The following RANBP2 variants were observed in gnomAD, a reference collection of about 807,000 sequenced individuals.
RANBP2 encodes E3 SUMO-protein ligase RanBP2.
RANBP2 carries 57 observed loss-of-function variants against 303.6 expected under a neutral mutation model. The ratio of observed to expected loss-of-function variants is 0.19; its 90% CI spans 0.15 to 0.23. The LOEUF (loss-of-function observed/expected upper bound fraction) is 0.23, where lower values mean the gene tolerates loss of function less well. Ranked by LOEUF, RANBP2 falls within the 10% of genes least tolerant of loss-of-function variation. The pLI is 1.00. For synonymous variants in RANBP2, 1,167 were observed against 1,301.5 expected, an observed-to-expected ratio of 0.90 and a Z score of 2.23; for missense variants, 3,138 against 3,780.8, an observed-to-expected ratio of 0.83 and a Z score of 4.46.
the RANBP2 span, among the ~76,000 whole-genome samples, chr2:108,943,193 C>G: frequency 6.6e-6 from 1 of 152,156 alleles, no homozygotes; most frequent in Non-Finnish European, 1.5e-5. Flanking sequence ...TCGTCATTCT[C>G]TTTTCAAGTA....
At chr2:109,097,912 G>A in the RANBP2 span, among the ~76,000 whole-genome samples, 1 of 152,030 alleles carries the variant, frequency 6.6e-6, no homozygotes, top group African/African-American at 2.4e-5. Flanking sequence ...GTCTCACCAC[G>A]GATGGAGGAC....
chr2:109,032,202 T>TC, the RANBP2 span, among the ~76,000 whole-genome samples: 1 of 152,206 alleles, frequency 6.6e-6, no homozygotes, highest in Non-Finnish European at 1.5e-5. Flanking sequence ...GAGATTTCTT[T>TC]CACTTCTAAA....
intron 7 of RANBP2, among the ~76,000 whole-genome samples, chr2:108,745,892 C>T (rs1696470671): frequency 6.8e-6 from 1 of 147,020 alleles, no homozygotes. Flanking sequence ...CAGAGTTGCT[C>T]TGTGTATGCT....
At chr2:109,553,153 T>G in the RANBP2 span, 1 of 1,614,138 alleles carries the variant, frequency 6.2e-7, no homozygotes, top group Non-Finnish European at 8.5e-7. Context: ...TCTGTTTCAT[T>G]TCTTCTTCCT....
chr2:109,629,331 ATATATATATATATATATATATATATT>A, the RANBP2 span, among the ~76,000 whole-genome samples: 588 of 16,346 alleles, frequency 0.036, 35 homozygotes, highest in Non-Finnish European at 0.048. Flanking sequence ...ATATATATAT[ATATATATATATATATATATATATATT>A]TTTTTTTTTT....
chr2:109,459,833 G>A, the RANBP2 span, among the ~76,000 whole-genome samples: 1 of 152,170 alleles, frequency 6.6e-6, no homozygotes, highest in Non-Finnish European at 1.5e-5. Context: ...TTTTGCTAGT[G>A]GGTTACTAGG....
chr2:109,574,514 T>C, the RANBP2 span: 1 of 1,024,414 alleles, frequency 9.8e-7, no homozygotes, highest in South Asian at 3.4e-5. Context: ...ATCCATATTG[T>C]AAAAATATTT....
At chr2:108,865,544 A>G in the RANBP2 span, among the ~76,000 whole-genome samples, 1 of 152,182 alleles carries the variant, frequency 6.6e-6, no homozygotes, top group Admixed American at 6.5e-5. Flanking sequence ...CTCATTCTGG[A>G]GAAGACCCTC....
chr2:109,301,651 C>G, the RANBP2 span, among the ~76,000 whole-genome samples: 1 of 152,184 alleles, frequency 6.6e-6, no homozygotes, highest in Non-Finnish European at 1.5e-5. Flanking sequence ...GCCGAGACCA[C>G]TAGGCTCCTT....
chr2:108,963,270 TCACG>T, the RANBP2 span, among the ~76,000 whole-genome samples: 1 of 152,170 alleles, frequency 6.6e-6, no homozygotes, highest in Non-Finnish European at 1.5e-5. Flanking sequence ...GCAAAAATGA[TCACG>T]CACTACACAC....
the RANBP2 span, among the ~76,000 whole-genome samples, chr2:109,315,477 G>C: frequency 6.6e-6 from 1 of 152,254 alleles, no homozygotes; most frequent in Non-Finnish European, 1.5e-5. Context: ...CTTTTACTAA[G>C]AGGCAGTAAG....
At chr2:109,273,226 CT>C in the RANBP2 span, among the ~76,000 whole-genome samples, 1 of 152,236 alleles carries the variant, frequency 6.6e-6, no homozygotes, top group African/African-American at 2.4e-5. Context: ...GCACAGTCGT[CT>C]GTTCAGTGCT....
downstream of RANBP2, chr2:108,786,974 C>G (rs576816775): frequency 1.8e-5 from 22 of 1,208,498 alleles, no homozygotes; most frequent in Non-Finnish European, 2.3e-5. Flanking sequence ...CGGCCCGCTC[C>G]GTGCCCCGCG....
At chr2:109,238,601 T>C in the RANBP2 span, among the ~76,000 whole-genome samples, 1 of 152,042 alleles carries the variant, frequency 6.6e-6, no homozygotes, top group Non-Finnish European at 1.5e-5. Flanking sequence ...TCAGGAATTC[T>C]TTTTCGCATT....
chr2:108,783,231 C>T lies in RANBP2; in HGVS notation c.9370-365C>T, dbSNP rs145313687. Among the ~76,000 whole-genome samples the T allele has an allele frequency of 8.0e-4, 116 of 145,404 alleles. 1 individual carries two copies. Among genetic ancestry groups the T allele is most frequent in the African/African-American group, 2.8e-3 (110 of 39,058 alleles). Reference sequence around the variant, plus strand: ...TGGTGTGCGTCTGTGATCCCAGCTACAAGGAAGCTGAGGTGGGAGCATCCA... The same window carrying T: ...TGGTGTGCGTCTGTGATCCCAGCTATAAGGAAGCTGAGGTGGGAGCATCCA... On this transcript the variant is annotated intron_variant, in intron 28 of 28. Coordinates refer to ENST00000283195, the MANE Select transcript of RANBP2 (RefSeq NM_006267.5).
chr2:109,121,146 C>T, the RANBP2 span, among the ~76,000 whole-genome samples: 90 of 152,196 alleles, frequency 5.9e-4, 1 homozygote, highest in African/African-American at 2.1e-3. Flanking sequence ...TACTCAGAGG[C>T]TGAGGCAGGA....
At chr2:108,735,143 A>G (rs1403883845) in intron 4 of RANBP2, among the ~76,000 whole-genome samples, 2 of 152,150 alleles carry the variant, frequency 1.3e-5, no homozygotes, top group Admixed American at 1.3e-4. Flanking sequence ...GAACAGTGGG[A>G]GGAGAGGGGA....
chr2:109,152,088 A>T, the RANBP2 span, among the ~76,000 whole-genome samples: 4 of 152,366 alleles, frequency 2.6e-5, no homozygotes, highest in South Asian at 6.2e-4. Context: ...CTTGATGGAC[A>T]TGGAGTCTAA....
chr2:109,689,442 C>A, the RANBP2 span, among the ~76,000 whole-genome samples: 2 of 151,956 alleles, frequency 1.3e-5, no homozygotes, highest in African/African-American at 4.8e-5. Flanking sequence ...CCATTGAGGA[C>A]AAATAACAGG....
Sources: allele counts gnomAD v4.1 joint callset (sites outside exome capture counted in the v4.1 genomes callset), GRCh38; gene constraint gnomAD v4.1.1; transcripts MANE v1.5; gene names NCBI Gene and HGNC (gene_info 2026-07-23, HGNC 2026-07-21).